The following CUX1 variants were observed in gnomAD, a reference collection of about 807,000 sequenced individuals.
CUX1 encodes cut like homeobox 1, also known as protein CASP.
A neutral mutation model predicts 158.8 loss-of-function variants in CUX1; 31 were observed. That is an observed-to-expected ratio of 0.20 (90% CI 0.15 to 0.26). The LOEUF (loss-of-function observed/expected upper bound fraction) is 0.26. CUX1 is among the 10% of genes least tolerant of loss of function. CUX1 has a pLI of 1.00. For synonymous variants in CUX1, 879 were observed against 862.1 expected, an observed-to-expected ratio of 1.02 and a Z score of -0.34; for missense variants, 1,589 against 2,014.6, an observed-to-expected ratio of 0.79 and a Z score of 4.04.
chr7:102,044,733 T>C (rs1822537892), intron 3 of CUX1, among the ~76,000 whole-genome samples: 1 of 152,134 alleles, frequency 6.6e-6, no homozygotes, highest in African/African-American at 2.4e-5. Flanking sequence ...GCATCTACTT[T>C]GGTTCCTAGA....
intron 8 of CUX1, among the ~76,000 whole-genome samples, chr7:102,126,310 A>T (rs1832645975): frequency 6.6e-6 from 1 of 151,908 alleles, no homozygotes; most frequent in Non-Finnish European, 1.5e-5. Context: ...AAGTGCTGAG[A>T]TTAGAAGTGT....
At chr7:101,929,783 C>T (rs561207872) in intron 2 of CUX1, among the ~76,000 whole-genome samples, 1 of 152,300 alleles carries the variant, frequency 6.6e-6, no homozygotes, top group South Asian at 2.1e-4. Context: ...AGACAGACTC[C>T]TGGGAATGAG....
At chr7:101,984,134 A>ACC (rs1813943422) in intron 2 of CUX1, among the ~76,000 whole-genome samples, 1 of 68,598 alleles carries the variant, frequency 1.5e-5, no homozygotes, top group Non-Finnish European at 3.3e-5. Context: ...ATATATACAC[A>ACC]CACACATATA....
intron 14 of CUX1, among the ~76,000 whole-genome samples, chr7:102,272,268 C>A (rs1337346045): frequency 6.6e-6 from 1 of 152,206 alleles, no homozygotes; most frequent in Admixed American, 6.5e-5. Context: ...GGACACTAAG[C>A]CCAGCCAGGG....
rs1554539940 is a variant in CUX1, at chr7:102,251,106, ACT to A, written c.*2065_*2066del. The A allele has an allele frequency of 1.9e-5, 19 of 985,296 alleles. No individual in the cohort carries two copies. The South Asian group carries it at 5.6e-4, about 29-fold the overall frequency. The allele number at this position is 985,296 out of a possible 1,614,324, so 61.0% of individuals were successfully genotyped here. The stretch of plus-strand genomic sequence containing the variant: ...ATAATTTACAAGATGTAGTTGTCAT[ACT>A]GTATATTACTGATTGAAAACTTTTT... On this transcript the variant is annotated 3_prime_UTR_variant, in exon 24 of 24. Coordinates refer to ENST00000292535, the MANE Select transcript of CUX1 (RefSeq NM_181552.4).
In CUX1 at chr7:101,992,453, C is replaced by T. The variant is rs575863802; in HGVS notation, c.142-35645C>T. Among the ~76,000 whole-genome samples the T allele has an allele frequency of 1.6e-4, 25 of 152,240 alleles. No homozygotes were observed. In the East Asian group the frequency reaches 4.3e-3, roughly 26 times the overall value. On this transcript the variant is annotated intron_variant, in intron 2 of 23. Transcript: ENST00000292535. ...TGCATAGAAGGGAGGTGTCAGCTAA[C>T]GAGACTGTTACCTCACCACAGATGC...
intron 12 of CUX1, among the ~76,000 whole-genome samples, chr7:102,190,211 C>T (rs1369586640): frequency 6.6e-6 from 1 of 152,204 alleles, no homozygotes; most frequent in African/African-American, 2.4e-5. Flanking sequence ...AAACAAAGCA[C>T]AGGAGGGAAA....
intron 3 of CUX1, 102 bp from the exon 4 acceptor site, chr7:102,070,237 C>G: frequency 2.1e-6 from 2 of 972,316 alleles, no homozygotes; most frequent in East Asian, 2.5e-5. Context: ...TCAAGCATCT[C>G]CCTTGCTACG....
At chr7:101,924,340 A>T (rs1218370393) in intron 2 of CUX1, among the ~76,000 whole-genome samples, 2 of 151,922 alleles carry the variant, frequency 1.3e-5, no homozygotes, top group African/African-American at 4.8e-5. Flanking sequence ...CACCAGAGTG[A>T]CTCAGCCTGG....
chr7:102,123,153 C>T (rs1034481350), intron 8 of CUX1, among the ~76,000 whole-genome samples: 1 of 151,868 alleles, frequency 6.6e-6, no homozygotes, highest in African/African-American at 2.4e-5. Context: ...ATTGCTTGAA[C>T]TTAGGAGGCA....
At chr7:102,006,417 G>A (rs564395213) in intron 2 of CUX1, among the ~76,000 whole-genome samples, 1 of 152,044 alleles carries the variant, frequency 6.6e-6, no homozygotes, top group South Asian at 2.1e-4. Flanking sequence ...CTTTCTTTGA[G>A]ACAGAGTCTC....
At chr7:101,847,171 C>T (rs1795789983) in intron 1 of CUX1, among the ~76,000 whole-genome samples, 1 of 152,078 alleles carries the variant, frequency 6.6e-6, no homozygotes. Flanking sequence ...AAACAGTCAA[C>T]CACCTGGTGG....
intron 2 of CUX1, among the ~76,000 whole-genome samples, chr7:102,027,149 T>C (rs1304668805): frequency 6.6e-6 from 1 of 151,292 alleles, no homozygotes; most frequent in Non-Finnish European, 1.5e-5. Context: ...CTTTGGGAGA[T>C]GAAGGTGGGC....
intron 8 of CUX1, among the ~76,000 whole-genome samples, chr7:102,137,886 T>TA (rs577126044): frequency 4.2e-4 from 63 of 150,168 alleles, no homozygotes; most frequent in Admixed American, 3.2e-3. Flanking sequence ...TAATTAGCCT[T>TA]AAAAAAAAAA....
At chr7:102,083,109 T>A (rs1429049804) in intron 4 of CUX1, among the ~76,000 whole-genome samples, 2 of 147,242 alleles carry the variant, frequency 1.4e-5, no homozygotes, top group Non-Finnish European at 3.1e-5. Flanking sequence ...TATCCCCTCA[T>A]AAGAAATTGA....
At chr7:102,148,174 C>A (rs1835216432) in intron 8 of CUX1, among the ~76,000 whole-genome samples, 1 of 152,042 alleles carries the variant, frequency 6.6e-6, no homozygotes, top group South Asian at 2.1e-4. Context: ...AGAGGCCTCT[C>A]AGAGGAGGGC....
intron 18 of CUX1, among the ~76,000 whole-genome samples, 179 bp from the exon 19 acceptor site, chr7:102,204,212 G>A (rs1249513506): frequency 1.3e-5 from 2 of 152,214 alleles, no homozygotes; most frequent in Admixed American, 6.5e-5. Flanking sequence ...CTCAGCCACC[G>A]TTGATCTTTA....
intron 8 of CUX1, among the ~76,000 whole-genome samples, chr7:102,158,027 T>C (rs1585963235): frequency 2.6e-5 from 4 of 152,250 alleles, no homozygotes; most frequent in South Asian, 4.1e-4. Flanking sequence ...TCACCTCCAG[T>C]TGGCCACCTT....
At position 101,830,402 on chromosome 7, in the gene CUX1, C is replaced by T. The variant is rs114984400; in HGVS notation, c.30+12733C>T. ...CCCTGAGATCTTAGCTTCTTTTCCT[C>T]GGGGAATTATCATTGGACTGGAAAA... is the stretch of plus-strand genomic sequence containing the variant. On this transcript the variant is annotated intron_variant, in intron 1 of 23. Coordinates refer to ENST00000292535, the MANE Select transcript of CUX1 (RefSeq NM_181552.4). Among the ~76,000 whole-genome samples the T allele has an allele frequency of 8.3e-3, 1,262 of 152,304 alleles. 8 individuals carry two copies. The highest frequency in any genetic ancestry group is 0.027 in the African/African-American group (1,126 of 41,554).
Sources: allele counts gnomAD v4.1 joint callset (sites outside exome capture counted in the v4.1 genomes callset), GRCh38; gene constraint gnomAD v4.1.1; transcripts MANE v1.5; gene names NCBI Gene and HGNC (gene_info 2026-07-23, HGNC 2026-07-21).